The following MYO5B variants were observed in gnomAD, a reference collection of about 807,000 sequenced individuals.
The protein encoded by MYO5B is unconventional myosin-Vb.
In MYO5B, 143 loss-of-function variants were observed where a neutral mutation model predicts 229.3. The ratio of observed to expected loss-of-function variants is 0.62; its 90% CI spans 0.54 to 0.72. MYO5B has a LOEUF of 0.72. Among genes scored for constraint, MYO5B ranks in the 30% least tolerant of loss-of-function variants. The pLI is 0.00. For synonymous variants in MYO5B, 918 were observed against 885.2 expected (o/e 1.04, Z -0.66); for missense variants, 2,321 against 2,331.0 (o/e 1.00, Z 0.09).
At chr18:50,049,182 G>A (rs1324477097) in intron 2 of MYO5B, among the ~76,000 whole-genome samples, 3 of 152,090 alleles carry the variant, frequency 2.0e-5, no homozygotes, top group Non-Finnish European at 2.9e-5. Context: ...ACCCTATATT[G>A]TATATTTTCA....
intron 9 of MYO5B, among the ~76,000 whole-genome samples, chr18:49,977,655 A>C: frequency 6.6e-6 from 1 of 152,166 alleles, no homozygotes; most frequent in South Asian, 2.1e-4. Context: ...TGGACTGAAC[A>C]CTGCCTGGGC....
chr18:49,937,557 C>T (rs1228174623), intron 14 of MYO5B, among the ~76,000 whole-genome samples, 160 bp from the exon 15 acceptor site: 1 of 152,144 alleles, frequency 6.6e-6, no homozygotes, highest in Non-Finnish European at 1.5e-5. Flanking sequence ...CCAAAAGCGC[C>T]ACAAGGTAGG....
chr18:50,055,232 C>CT, intron 2 of MYO5B, 36 bp downstream of exon 2: 3 of 726,474 alleles, frequency 4.1e-6, no homozygotes, highest in Non-Finnish European at 7.5e-6. Flanking sequence ...CCTGCCCCAC[C>CT]TCACCCCCGC....
intron 12 of MYO5B, among the ~76,000 whole-genome samples, chr18:49,954,924 T>C (rs1268767004): frequency 6.6e-6 from 1 of 152,242 alleles, no homozygotes; most frequent in African/African-American, 2.4e-5. Context: ...GGCTCAAGTC[T>C]GTCCTTTCCT....
At chr18:49,852,490 A>T (rs1033898906) in intron 31 of MYO5B, among the ~76,000 whole-genome samples, 26 of 152,064 alleles carry the variant, frequency 1.7e-4, no homozygotes, top group African/African-American at 6.0e-4. Context: ...TGAGTCTGGG[A>T]CCCCACTTTT....
chr18:49,874,956 A>G (rs533026904), intron 26 of MYO5B, among the ~76,000 whole-genome samples: 7 of 152,220 alleles, frequency 4.6e-5, no homozygotes, highest in African/African-American at 1.4e-4. Flanking sequence ...TTTACTTTTC[A>G]CCTGTGTTAT....
At chr18:50,165,723 C>T (rs1373653181) in intron 1 of MYO5B, among the ~76,000 whole-genome samples, 1 of 152,004 alleles carries the variant, frequency 6.6e-6, no homozygotes, top group East Asian at 1.9e-4. Context: ...TTGCAGTGAG[C>T]TGAGATCGTG....
At chr18:50,193,338 G>A (rs2033253912) in intron 1 of MYO5B, among the ~76,000 whole-genome samples, 1 of 152,242 alleles carries the variant, frequency 6.6e-6, no homozygotes, top group South Asian at 2.1e-4. Flanking sequence ...CCCCTGGTGG[G>A]CTCGGAAGCT....
At chr18:50,108,439 CCA>C (rs1227684801) in intron 1 of MYO5B, among the ~76,000 whole-genome samples, 1 of 152,184 alleles carries the variant, frequency 6.6e-6, no homozygotes, top group East Asian at 1.9e-4. Context: ...CATGAACAAA[CCA>C]CAATGTATTT....
intron 21 of MYO5B, among the ~76,000 whole-genome samples, chr18:49,901,336 C>A (rs1462729539): frequency 2.6e-5 from 4 of 152,190 alleles, no homozygotes; most frequent in Admixed American, 2.0e-4. Flanking sequence ...TACATGTGAG[C>A]CTCGTCTATT....
intron 1 of MYO5B, among the ~76,000 whole-genome samples, chr18:50,136,228 T>C (rs562064991): frequency 2.9e-4 from 44 of 152,320 alleles, no homozygotes; most frequent in Admixed American, 7.2e-4. Flanking sequence ...CTTCCTGTGG[T>C]CTTGCCATTT....
intron 1 of MYO5B, among the ~76,000 whole-genome samples, chr18:50,176,920 T>C (rs1001725298): frequency 2.0e-5 from 3 of 152,212 alleles, no homozygotes; most frequent in African/African-American, 7.2e-5. Flanking sequence ...TGTGTATTTA[T>C]GGTTACATCT....
At chr18:50,143,918 T>G (rs1705507) in intron 1 of MYO5B, among the ~76,000 whole-genome samples, 13 of 152,166 alleles carry the variant, frequency 8.5e-5, no homozygotes, top group Admixed American at 3.3e-4. Flanking sequence ...GCACACCATA[T>G]GCATGGAATA....
intron 1 of MYO5B, among the ~76,000 whole-genome samples, chr18:50,171,738 T>C (rs917844262): frequency 3.9e-5 from 5 of 127,642 alleles, no homozygotes; most frequent in African/African-American, 1.5e-4. Flanking sequence ...TGTCAAGATG[T>C]TGAAATGGAG....
At chr18:49,840,305 C>T in intron 35 of MYO5B, 1 of 152,224 alleles carries the variant, frequency 6.6e-6, no homozygotes, top group Middle Eastern at 3.2e-3. Flanking sequence ...TAACAGAAGT[C>T]ATGGGGTTTG....
Position 50,036,864 on chromosome 18 carries a change from G to C in MYO5B, c.441C>G (p.Tyr147Ter). 1 of 1,614,106 alleles carries C rather than the reference G, an allele frequency of 6.2e-7. No individual in the cohort carries two copies. Among genetic ancestry groups the C allele is most frequent in the Non-Finnish European group, 8.5e-7 (1 of 1,180,014 alleles). ...PHIFAVAEEA[Y>*]KQMARDEKNQ... The stretch of plus-strand genomic sequence containing the variant: ...GACATTCTCACCTGGCCATCTGCTT[G>C]TAGGCTTCTTCTGCCACAGCAAAGA... The change falls in exon 4 of 40, where the codon TAC (tyrosine) becomes TAG (stop). Residue 147 changes from tyrosine to a stop codon, truncating the protein, a stop_gained. Coordinates refer to ENST00000285039, the MANE Select transcript of MYO5B (RefSeq NM_001080467.3). LOFTEE classifies it high-confidence loss of function.
chr18:50,078,860 G>C (rs184992514), intron 1 of MYO5B, among the ~76,000 whole-genome samples: 4 of 152,150 alleles, frequency 2.6e-5, no homozygotes, highest in Non-Finnish European at 5.9e-5. Flanking sequence ...TTAACAGTAG[G>C]ATGGACAAAT....
chr18:49,850,793 C>T lies in MYO5B; in HGVS notation c.4222-1133G>A, dbSNP rs150131094. ...ATGTGATTCCCTGGCTCCCCAGCTC[C>T]GCTGCACTGCCACCCCTGCCTCGTG... On this transcript the variant is annotated intron_variant, in intron 31 of 39. Coordinates refer to ENST00000285039, the MANE Select transcript of MYO5B (RefSeq NM_001080467.3). 1.7e-3 allele frequency: 259 copies of T among 152,822 alleles called. 4 individuals are homozygous for T. The East Asian group carries it at 0.021, about 12-fold the overall frequency. The allele number at this position is 152,822 out of a possible 1,614,324, so 9.5% of individuals were successfully genotyped here.
At chr18:49,832,773 T>A (rs2023938609) in intron 39 of MYO5B, among the ~76,000 whole-genome samples, 2 of 152,146 alleles carry the variant, frequency 1.3e-5, no homozygotes, top group Non-Finnish European at 2.9e-5. Context: ...GAAAAAGTGG[T>A]TTGAAATAAT....
Sources: allele counts gnomAD v4.1 joint callset (sites outside exome capture counted in the v4.1 genomes callset), GRCh38; gene constraint gnomAD v4.1.1; transcripts MANE v1.5; gene names NCBI Gene and HGNC (gene_info 2026-07-23, HGNC 2026-07-21).